Variants in ASTN1 observed in about 807,000 individuals in gnomAD.
ASTN1 encodes the protein astrotactin 1.
ASTN1 carries 41 observed loss-of-function variants against 140.7 expected under a neutral mutation model. The ratio of observed to expected loss-of-function variants is 0.29; its 90% CI spans 0.23 to 0.38. The LOEUF (loss-of-function observed/expected upper bound fraction) is 0.38, where lower values mean the gene tolerates loss of function less well. Among genes scored for constraint, ASTN1 ranks in the 10% least tolerant of loss-of-function variants. The pLI is 1.00. For synonymous variants in ASTN1, 640 were observed against 652.2 expected (o/e 0.98, Z 0.29); for missense variants, 1,479 against 1,678.8 (o/e 0.88, Z 2.08).
intron 1 of ASTN1, among the ~76,000 whole-genome samples, chr1:177,138,987 C>T (rs774711841): frequency 2.3e-4 from 35 of 152,154 alleles, no homozygotes; most frequent in Admixed American, 6.5e-4. Context: ...CTTTCCACTC[C>T]GCCATGCAGA....
intron 1 of ASTN1, among the ~76,000 whole-genome samples, chr1:177,117,211 A>T (rs1571808320): frequency 6.6e-6 from 1 of 152,164 alleles, no homozygotes; most frequent in East Asian, 1.9e-4. Context: ...CACACAAGGA[A>T]CATTCACTCA....
chr1:177,029,791 T>C (rs1413197227), intron 4 of ASTN1, 50 bp from the exon 5 acceptor site: 1 of 1,530,698 alleles, frequency 6.5e-7, no homozygotes, highest in East Asian at 2.3e-5. Flanking sequence ...TCTGGTTTCA[T>C]GACACCAAAC....
At chr1:177,065,526 C>A (rs562333327) in intron 1 of ASTN1, among the ~76,000 whole-genome samples, 1 of 152,054 alleles carries the variant, frequency 6.6e-6, no homozygotes, top group African/African-American at 2.4e-5. Context: ...GAATGCAGAG[C>A]GGAGCTTGGC....
chr1:176,857,933 G>C (rs776625958), downstream of ASTN1, among the ~76,000 whole-genome samples: 2 of 152,282 alleles, frequency 1.3e-5, no homozygotes, highest in South Asian at 2.1e-4. Context: ...AGAGAACACT[G>C]CCTGACTCAT....
At chr1:176,944,369 C>T (rs1671864271) in intron 13 of ASTN1, among the ~76,000 whole-genome samples, 1 of 152,134 alleles carries the variant, frequency 6.6e-6, no homozygotes, top group Non-Finnish European at 1.5e-5. Flanking sequence ...AGGTGATCCT[C>T]CCACCTCAGC....
At chr1:176,992,864 A>G (rs1261049966) in intron 8 of ASTN1, among the ~76,000 whole-genome samples, 1 of 152,208 alleles carries the variant, frequency 6.6e-6, no homozygotes, top group African/African-American at 2.4e-5. Flanking sequence ...AACTCCACCC[A>G]AATTCCTATG....
chr1:176,878,938 A>G (rs1337745951), intron 20 of ASTN1, among the ~76,000 whole-genome samples: 1 of 152,048 alleles, frequency 6.6e-6, no homozygotes, highest in African/African-American at 2.4e-5. Context: ...AGAGGTCCTG[A>G]CACCAGGGCT....
intron 16 of ASTN1, among the ~76,000 whole-genome samples, chr1:176,898,499 T>C (rs1206509036): frequency 6.6e-6 from 1 of 152,188 alleles, no homozygotes; most frequent in Non-Finnish European, 1.5e-5. Flanking sequence ...AAAGATACAA[T>C]TGGGAAGTAC....
chr1:176,861,782 G>T lies in ASTN1; in HGVS notation c.*2502C>A. 1 of 985,542 alleles carries T rather than the reference G, an allele frequency of 1.0e-6. No homozygotes were observed. The highest frequency in any genetic ancestry group is 1.2e-6 in the Non-Finnish European group (1 of 830,036). The allele number at this position is 985,542 out of a possible 1,614,324, so 61.0% of individuals were successfully genotyped here. A position where few individuals can be genotyped will look rare whatever the true frequency, so the allele number is the denominator to read the frequency against. On this transcript the variant is annotated 3_prime_UTR_variant, in exon 23 of 23. Coordinates refer to ENST00000361833, the MANE Select transcript of ASTN1 (RefSeq NM_004319.3). ...TTGGGGAAAGAGGAGGCCAAAAAAG[G>T]AGGGTCACAGAAAGAAGAAGTAAAA...
At chr1:176,932,733 T>C (rs905987274) in intron 16 of ASTN1, among the ~76,000 whole-genome samples, 3 of 152,214 alleles carry the variant, frequency 2.0e-5, no homozygotes, top group Admixed American at 2.0e-4. Flanking sequence ...CCCTCTTGGA[T>C]TCAGTATTTA....
intron 7 of ASTN1, among the ~76,000 whole-genome samples, chr1:177,016,066 G>A (rs1675530753): frequency 6.6e-6 from 1 of 152,180 alleles, no homozygotes; most frequent in Non-Finnish European, 1.5e-5. Context: ...AGCTTTGAGT[G>A]CTATTTTCTC....
intron 1 of ASTN1, among the ~76,000 whole-genome samples, chr1:177,159,410 G>A (rs1429006774): frequency 6.6e-6 from 1 of 152,124 alleles, no homozygotes; most frequent in Non-Finnish European, 1.5e-5. Context: ...GTAGTGGAGA[G>A]AAAAAAGAAG....
At chr1:177,071,928 C>G (rs1043037737) in intron 1 of ASTN1, among the ~76,000 whole-genome samples, 1 of 152,142 alleles carries the variant, frequency 6.6e-6, no homozygotes, top group Non-Finnish European at 1.5e-5. Context: ...ATTATCATCC[C>G]TGTGTTACAA....
chr1:177,086,442 G>A (rs1020715833), intron 1 of ASTN1, among the ~76,000 whole-genome samples: 1 of 152,078 alleles, frequency 6.6e-6, no homozygotes, highest in African/African-American at 2.4e-5. Flanking sequence ...TATATTTATT[G>A]TGGAAAATAA....
chr1:176,866,077 T>G (rs757844720), intron 22 of ASTN1, among the ~76,000 whole-genome samples: 2 of 152,160 alleles, frequency 1.3e-5, no homozygotes, highest in African/African-American at 2.4e-5. Flanking sequence ...AACTGAAATT[T>G]TATTCACCTT....
At chr1:177,075,830 C>T (rs1469064532) in intron 1 of ASTN1, among the ~76,000 whole-genome samples, 1 of 151,566 alleles carries the variant, frequency 6.6e-6, no homozygotes, top group Non-Finnish European at 1.5e-5. Flanking sequence ...TTTGTAGATA[C>T]AGGGTCTTGC....
chr1:177,105,517 C>T (rs577105938), intron 1 of ASTN1, among the ~76,000 whole-genome samples: 1 of 152,040 alleles, frequency 6.6e-6, no homozygotes, highest in African/African-American at 2.4e-5. Flanking sequence ...AAGCTGAGAG[C>T]ACAATTTGGA....
chr1:177,120,248 A>G (rs892479664), intron 1 of ASTN1, among the ~76,000 whole-genome samples: 1 of 152,198 alleles, frequency 6.6e-6, no homozygotes. Context: ...CACTCACCTT[A>G]AAACATCCTC....
At chr1:177,137,495 T>C (rs73048964) in intron 1 of ASTN1, among the ~76,000 whole-genome samples, 3,057 of 152,352 alleles carry the variant, frequency 0.02, 105 homozygotes, top group African/African-American at 0.07. Flanking sequence ...GCAGGTCTGC[T>C]GAACATAGAT....
Sources: allele counts gnomAD v4.1 joint callset (sites outside exome capture counted in the v4.1 genomes callset), GRCh38; gene constraint gnomAD v4.1.1; transcripts MANE v1.5; gene names NCBI Gene and HGNC (gene_info 2026-07-23, HGNC 2026-07-21).